The following KLHL18 variants were observed in gnomAD, a reference collection of about 807,000 sequenced individuals.
The protein encoded by KLHL18 is kelch like family member 18, also known as kelch-like protein 18.
A neutral mutation model predicts 58.5 loss-of-function variants in KLHL18; 38 were observed. That is an observed-to-expected ratio of 0.65 (90% CI 0.50 to 0.85). The LOEUF (loss-of-function observed/expected upper bound fraction) is 0.85, where lower values mean the gene tolerates loss of function less well. Among genes scored for constraint, KLHL18 ranks in the 40% least tolerant of loss-of-function variants. KLHL18 has a pLI of 0.00. For missense variants in KLHL18, 624 were observed against 778.4 expected (o/e 0.80, Z 2.36); for synonymous variants, 303 against 301.9 (o/e 1.00, Z -0.04).
chr3:47,286,414 G>A (rs1702678444), intron 1 of KLHL18, among the ~76,000 whole-genome samples: 1 of 152,160 alleles, frequency 6.6e-6, no homozygotes, highest in Admixed American at 6.5e-5. Flanking sequence ...GTTTTCTGGT[G>A]ACTCCACAGT....
rs201510550 is a variant in KLHL18 at position 47,333,206 on chromosome 3, G to C, written c.650G>C (p.Gly217Ala). The C allele has an allele frequency of 6.2e-7, 1 of 1,614,028 alleles. No individual in the cohort carries two copies. Residue 217 changes from glycine to alanine, a missense_variant, in exon 5 of 10, where the codon GGT (glycine) becomes GCT (alanine). By Grantham distance (60) the Gly-to-Ala change is moderately conservative. Coordinates refer to ENST00000232766, the MANE Select transcript of KLHL18 (RefSeq NM_025010.5). The part of the protein sequence containing the change: ...AWVRYDREQR[G>A]PYLPELLSNI... The stretch of plus-strand genomic sequence containing the variant: ...GTCAGATACGACCGGGAGCAGAGGG[G>C]TCCCTACCTGCCTGAGCTGCTGTCC...
Position 47,342,737 on chromosome 3 carries a change from G to T in KLHL18, c.1245G>T (p.Ser415=). Residue 415 remains serine, a synonymous_variant, in exon 9 of 10, where the codon TCG becomes TCT. Transcript: ENST00000232766. The stretch of plus-strand genomic sequence containing the variant: ...CCTGAAGATGGACAGTGGTGACCTC[G>T]ATGAGCTCGAATCGCAGTGCTGCTG... ...PETDKWTVVT[S]MSSNRSAAGV... is the part of the protein sequence containing the mutation. 6.2e-7 allele frequency: 1 copy of T among 1,614,074 alleles called. No individual in the cohort carries two copies. The highest frequency in any genetic ancestry group is 8.5e-7 in the Non-Finnish European group (1 of 1,179,970).
At chr3:47,289,475 G>A (rs990770446) in intron 1 of KLHL18, among the ~76,000 whole-genome samples, 1 of 152,222 alleles carries the variant, frequency 6.6e-6, no homozygotes, top group Non-Finnish European at 1.5e-5. Context: ...TGCCTAATTT[G>A]TTGTCACCAC....
At chr3:47,338,212 A>G (rs1326427720) in intron 7 of KLHL18, 2 of 152,122 alleles carry the variant, frequency 1.3e-5, no homozygotes, top group African/African-American at 2.4e-5. Flanking sequence ...GGACTATTCC[A>G]GTCCATGCTG....
At chr3:47,285,995 G>A (rs1343516684) in intron 1 of KLHL18, among the ~76,000 whole-genome samples, 1 of 151,284 alleles carries the variant, frequency 6.6e-6, no homozygotes, top group African/African-American at 2.4e-5. Context: ...AGCCGAGATC[G>A]TGCCACTGCA....
At chr3:47,336,945 C>T (rs1382160299) in intron 7 of KLHL18, 188 bp downstream of exon 7, 2 of 588,300 alleles carry the variant, frequency 3.4e-6, no homozygotes, top group Non-Finnish European at 6.1e-6. Flanking sequence ...AAATATCCAC[C>T]TTGTCCTTTG....
chr3:47,283,287 C>G (rs960977211), intron 1 of KLHL18, 193 bp downstream of exon 1: 4 of 610,794 alleles, frequency 6.5e-6, no homozygotes, highest in Non-Finnish European at 1.1e-5. Flanking sequence ...AAGAGGACAA[C>G]CTTTCAGCCC....
intron 1 of KLHL18, 24 bp downstream of exon 1, chr3:47,283,118 G>A: frequency 2.6e-6 from 4 of 1,558,818 alleles, no homozygotes; most frequent in Non-Finnish European, 3.5e-6. Flanking sequence ...GGCGGCAGCG[G>A]GCTGAGGGAA....
Position 47,288,460 on chromosome 3 carries a change from C to T in KLHL18, c.129+5366C>T, listed in dbSNP as rs920353519. Among the ~76,000 whole-genome samples, 93 of 152,114 alleles carry T rather than the reference C, an allele frequency of 6.1e-4. 1 individual carries two copies. Among genetic ancestry groups the T allele is most frequent in the Non-Finnish European group, 1.5e-4 (10 of 68,020 alleles). Reference sequence around the variant, plus strand: ...AATGAACTGATTTCAGCTGCTACCACGTGAATTAATCTACCTCAGGTCTAC... The same window carrying T: ...AATGAACTGATTTCAGCTGCTACCATGTGAATTAATCTACCTCAGGTCTAC... On this transcript the variant is annotated intron_variant, in intron 1 of 9. Transcript: ENST00000232766.
chr3:47,332,251 T>C (rs972814961), intron 4 of KLHL18, among the ~76,000 whole-genome samples: 11 of 151,866 alleles, frequency 7.2e-5, no homozygotes, highest in Admixed American at 5.3e-4. Flanking sequence ...CCCAGCTACT[T>C]GGGCTGAGGT....
intron 1 of KLHL18, among the ~76,000 whole-genome samples, chr3:47,308,433 C>T (rs1187891314): frequency 6.6e-6 from 1 of 152,192 alleles, no homozygotes. Flanking sequence ...TTCTGTCCCC[C>T]AGGCTGGAGT....
intron 3 of KLHL18, among the ~76,000 whole-genome samples, chr3:47,324,825 CTG>C (rs1703677811): frequency 6.6e-6 from 1 of 152,184 alleles, no homozygotes. Context: ...GAGCAAGACT[CTG>C]TCTCTAAAAA....
At chr3:47,304,311 C>G (rs1703090126) in intron 1 of KLHL18, among the ~76,000 whole-genome samples, 1 of 152,020 alleles carries the variant, frequency 6.6e-6, no homozygotes, top group South Asian at 2.1e-4. Flanking sequence ...TCGAGATTAG[C>G]CTGGGCAACA....
At chr3:47,315,343 A>C (rs1052603963) in intron 1 of KLHL18, among the ~76,000 whole-genome samples, 1 of 152,196 alleles carries the variant, frequency 6.6e-6, no homozygotes, top group Non-Finnish European at 1.5e-5. Flanking sequence ...CCACTCTCTC[A>C]GGAGATAGGA....
At chr3:47,327,783 C>T (rs947500640) in intron 3 of KLHL18, among the ~76,000 whole-genome samples, 2 of 152,194 alleles carry the variant, frequency 1.3e-5, no homozygotes, top group Non-Finnish European at 2.9e-5. Flanking sequence ...AAGCCAGGCT[C>T]CAAGGTACCT....
chr3:47,310,861 G>A (rs538916510), intron 1 of KLHL18, among the ~76,000 whole-genome samples: 2 of 152,244 alleles, frequency 1.3e-5, no homozygotes, highest in East Asian at 3.9e-4. Context: ...CATCCAGGCC[G>A]AGCTCAGCTC....
At chr3:47,315,871 G>A (rs190552887) in intron 1 of KLHL18, among the ~76,000 whole-genome samples, 56 of 152,230 alleles carry the variant, frequency 3.7e-4, no homozygotes, top group African/African-American at 1.3e-3. Context: ...AAGATGAACA[G>A]GATTCTTTTA....
intron 1 of KLHL18, among the ~76,000 whole-genome samples, chr3:47,302,649 G>GA (rs570655594): frequency 1.8e-4 from 27 of 152,210 alleles, no homozygotes; most frequent in Admixed American, 3.3e-4. Flanking sequence ...GGCAGAGGCG[G>GA]AAGAAAATTT....
Position 47,334,079 on chromosome 3 carries a change from A to G in KLHL18, c.762-604A>G, listed in dbSNP as rs1184329749. On this transcript the variant is annotated intron_variant, in intron 5 of 9. Transcript: ENST00000232766. The surrounding 1 kb of genome is among the most constrained non-coding windows in gnomAD (Gnocchi z 4.7). ...GGAAGTAAGTGCCTGTCCATGGCAG[A>G]TGGTGTGAAGGTGTGTGTCAGGATG... 6.6e-6 allele frequency among the ~76,000 whole-genome samples: 1 copy of G among 152,138 alleles called. No individual in the cohort carries two copies. The highest frequency in any genetic ancestry group is 6.5e-5 in the Admixed American group (1 of 15,268).
Sources: allele counts gnomAD v4.1 joint callset (sites outside exome capture counted in the v4.1 genomes callset), GRCh38; gene constraint gnomAD v4.1.1; non-coding constraint Gnocchi (gnomAD v3.1); transcripts MANE v1.5; gene names NCBI Gene and HGNC (gene_info 2026-07-23, HGNC 2026-07-21).